The following ADGRG7 variants were observed in gnomAD, a reference collection of about 807,000 sequenced individuals.
ADGRG7 encodes G-protein coupled receptor 128.
Under a neutral mutation model 88.6 loss-of-function variants are expected in ADGRG7, and 82 were observed. The observed-to-expected ratio is 0.93, with a 90% CI of 0.77 to 1.11. The LOEUF (loss-of-function observed/expected upper bound fraction) is 1.11, where lower values mean the gene tolerates loss of function less well. Ranked by LOEUF, ADGRG7 falls within the 50% of genes most tolerant of loss-of-function variation. ADGRG7 has a pLI of 0.00. For missense variants in ADGRG7, 945 were observed against 953.4 expected (o/e 0.99, Z 0.12); for synonymous variants, 381 against 345.2 (o/e 1.10, Z -1.15).
intron 15 of ADGRG7, among the ~76,000 whole-genome samples, chr3:100,687,238 CTT>C (rs1174275116): frequency 1.3e-5 from 2 of 152,190 alleles, no homozygotes; most frequent in African/African-American, 4.8e-5. Context: ...TATCCTGAGA[CTT>C]TGTTGAAGTT....
At chr3:100,669,186 A>T in intron 15 of ADGRG7, 81 bp downstream of exon 15, 5 of 1,206,682 alleles carry the variant, frequency 4.1e-6, no homozygotes, top group Non-Finnish European at 4.4e-6. Context: ...CCTTTAAGAG[A>T]CTATTTTAAA....
In ADGRG7 at chr3:100,633,395, C is replaced by A. The variant is rs377440433; in HGVS notation, c.447+18C>A. The A allele has an allele frequency of 1.4e-6, 2 of 1,381,970 alleles. No individual in the cohort carries two copies. The highest frequency in any genetic ancestry group is 2.0e-6 in the Non-Finnish European group (2 of 998,972). The allele number at this position is 1,381,970 out of a possible 1,614,324, so 85.6% of individuals were successfully genotyped here. A position where few individuals can be genotyped will look rare whatever the true frequency, so the allele number is the denominator to read the frequency against. On this transcript the variant is annotated intron_variant, in intron 4 of 15. Transcript: ENST00000273352. ...AAAAGCAGGTATGCCATATGACTCA[C>A]TGATGGGCAACTGGAAGAAGTTCTG...
chr3:100,686,998 C>A (rs1029797526), intron 15 of ADGRG7, among the ~76,000 whole-genome samples: 2 of 152,150 alleles, frequency 1.3e-5, no homozygotes, highest in South Asian at 2.1e-4. Flanking sequence ...GATATTGATT[C>A]TTCCTACCCA....
chr3:100,661,498 G>C (rs1333503152), intron 14 of ADGRG7, among the ~76,000 whole-genome samples: 1 of 152,186 alleles, frequency 6.6e-6, no homozygotes. Flanking sequence ...TGAACTAGCA[G>C]AGACTGAAAC....
chr3:100,683,828 A>AT (rs1236108751), intron 15 of ADGRG7, among the ~76,000 whole-genome samples: 2 of 152,170 alleles, frequency 1.3e-5, no homozygotes, highest in Non-Finnish European at 2.9e-5. Context: ...TTCTCAAATT[A>AT]TTTTTTTATA....
At chr3:100,691,578 GT>G (rs1469197023) in intron 15 of ADGRG7, among the ~76,000 whole-genome samples, 1 of 151,760 alleles carries the variant, frequency 6.6e-6, no homozygotes, top group Non-Finnish European at 1.5e-5. Context: ...TCCATAAGAT[GT>G]TGCAAATAGT....
Position 100,637,418 on chromosome 3 carries a change from A to G in ADGRG7, c.698+16A>G, listed in dbSNP as rs1421892101. The G allele has an allele frequency of 5.1e-6, 8 of 1,582,930 alleles. No homozygotes were observed. The highest frequency in any genetic ancestry group is 6.9e-6 in the Non-Finnish European group (8 of 1,152,540). On this transcript the variant is annotated intron_variant, in intron 6 of 15. Transcript: ENST00000273352. Reference sequence around the variant, plus strand: ...CCCTTACAACGTAAGCACAAATTCAATTTGGAAAGAAAACTTGACTAAGGG... The same window carrying G: ...CCCTTACAACGTAAGCACAAATTCAGTTTGGAAAGAAAACTTGACTAAGGG...
intron 14 of ADGRG7, among the ~76,000 whole-genome samples, chr3:100,668,156 G>A (rs962569161): frequency 2.0e-5 from 3 of 152,198 alleles, no homozygotes; most frequent in African/African-American, 4.8e-5. Context: ...TGGTACCTAC[G>A]TTGAAAATGC....
rs189314350 is a variant in ADGRG7, at chr3:100,614,870, G to A, written c.115+4899G>A. Among the ~76,000 whole-genome samples the A allele has an allele frequency of 1.2e-4, 19 of 152,256 alleles. No individual in the cohort carries two copies. In the East Asian group the frequency reaches 3.7e-3, roughly 29 times the overall value. ...TGTTCTGTATTTAAACTTCCAAGATGTGTATTAAAAGCATTGAAAATGTGT... is the reference window on the plus strand; with the variant it reads ...TGTTCTGTATTTAAACTTCCAAGATATGTATTAAAAGCATTGAAAATGTGT... On this transcript the variant is annotated intron_variant, in intron 1 of 15. Transcript: ENST00000273352.
intron 1 of ADGRG7, among the ~76,000 whole-genome samples, chr3:100,628,275 C>T (rs1417825538): frequency 6.6e-6 from 1 of 151,564 alleles, no homozygotes; most frequent in African/African-American, 2.4e-5. Flanking sequence ...TTTTTAAAAA[C>T]GTTTGTGCAA....
chr3:100,633,342 A>G lies in ADGRG7; in HGVS notation c.412A>G (p.Asn138Asp). Reference sequence around the variant, plus strand: ...AGAATTACAAAAAGTGACAATAGGAAATTGCAATGAAAATCTGGAAACCCT... The same window carrying G: ...AGAATTACAAAAAGTGACAATAGGAGATTGCAATGAAAATCTGGAAACCCT... ...EIELQKVTIG[N>D]CNENLETLEK... Residue 138 changes from asparagine (N) to aspartate (D), a missense_variant, in exon 4 of 16, where the codon AAT becomes GAT. Transcript: ENST00000273352. The G allele has an allele frequency of 6.3e-7, 1 of 1,588,840 alleles. No individual in the cohort carries two copies. Among genetic ancestry groups the G allele is most frequent in the Non-Finnish European group, 8.6e-7 (1 of 1,166,968 alleles).
chr3:100,614,260 C>G (rs971700762), intron 1 of ADGRG7, among the ~76,000 whole-genome samples: 2 of 152,182 alleles, frequency 1.3e-5, no homozygotes, highest in African/African-American at 4.8e-5. Flanking sequence ...GTTCAATTGA[C>G]TAGCTCAAAA....
At chr3:100,613,965 A>G (rs1448788970) in intron 1 of ADGRG7, among the ~76,000 whole-genome samples, 3 of 152,182 alleles carry the variant, frequency 2.0e-5, no homozygotes, top group Non-Finnish European at 2.9e-5. Context: ...CAAATTATTC[A>G]ACATTTTTGA....
intron 11 of ADGRG7, chr3:100,654,533 G>C (rs1010530479): frequency 4.0e-6 from 1 of 250,940 alleles, no homozygotes; most frequent in Non-Finnish European, 7.7e-6. Context: ...CTACCTACCA[G>C]GAAGTAGGGT....
intron 1 of ADGRG7, among the ~76,000 whole-genome samples, chr3:100,620,445 T>C (rs612621): frequency 0.31 from 47,269 of 151,928 alleles, 7,753 homozygotes; most frequent in Non-Finnish European, 0.34. Context: ...AACCCACAGC[T>C]AACATCATAC....
At chr3:100,644,969 C>T (rs972080527) in intron 8 of ADGRG7, among the ~76,000 whole-genome samples, 2 of 152,328 alleles carry the variant, frequency 1.3e-5, no homozygotes, top group Admixed American at 6.5e-5. Flanking sequence ...ATCCCTTTCT[C>T]TCCAGGTAGA....
intron 14 of ADGRG7, among the ~76,000 whole-genome samples, chr3:100,663,325 C>T (rs566523848): frequency 6.6e-6 from 1 of 152,196 alleles, no homozygotes; most frequent in East Asian, 1.9e-4. Context: ...TTCCTTCATT[C>T]AAAAACATTA....
intron 11 of ADGRG7, among the ~76,000 whole-genome samples, chr3:100,652,178 A>C (rs1219009059): frequency 6.6e-6 from 1 of 151,980 alleles, no homozygotes; most frequent in African/African-American, 2.4e-5. Context: ...TGGTCATTAA[A>C]CCTCTCAATA....
intron 1 of ADGRG7, among the ~76,000 whole-genome samples, chr3:100,620,360 C>T (rs982834513): frequency 2.6e-5 from 4 of 152,136 alleles, no homozygotes; most frequent in Non-Finnish European, 4.4e-5. Flanking sequence ...ATTCAACAGC[C>T]CTTCATGCTA....
Sources: gnomAD v4.1 joint callset for allele counts (sites outside exome capture counted in the v4.1 genomes callset) on GRCh38, gnomAD v4.1.1 for gene constraint, MANE v1.5 for transcripts, NCBI Gene and HGNC (gene_info 2026-07-23, HGNC 2026-07-21) for gene names.